The following RBM19 variants were observed in gnomAD, a reference collection of about 807,000 sequenced individuals.
RBM19 encodes the protein probable RNA-binding protein 19.
RBM19 carries 94 observed loss-of-function variants against 116.8 expected under a neutral mutation model. The ratio of observed to expected loss-of-function variants is 0.80; its 90% CI spans 0.68 to 0.95. The LOEUF (loss-of-function observed/expected upper bound fraction) is 0.95. Among genes scored for constraint, RBM19 ranks in the 40% least tolerant of loss-of-function variants. The pLI, the probability that RBM19 is intolerant of heterozygous loss-of-function variation, is 0.00. For missense variants in RBM19, 1,161 were observed against 1,220.7 expected (o/e 0.95, Z 0.73); for synonymous variants, 475 against 494.1 (o/e 0.96, Z 0.51).
chr12:113,935,891 C>G (rs1048448000), intron 16 of RBM19, among the ~76,000 whole-genome samples: 31 of 152,216 alleles, frequency 2.0e-4, no homozygotes, highest in East Asian at 1.6e-3. Flanking sequence ...AAAAAATTAG[C>G]CAGGCGTGGT....
chr12:113,914,293 G>C (rs1196196962), intron 21 of RBM19, among the ~76,000 whole-genome samples: 1 of 152,230 alleles, frequency 6.6e-6, no homozygotes, highest in Non-Finnish European at 1.5e-5. Context: ...TCCCCACCCA[G>C]CCTGCTGCCG....
At chr12:113,850,438 C>T (rs753896460) in intron 22 of RBM19, among the ~76,000 whole-genome samples, 2 of 152,224 alleles carry the variant, frequency 1.3e-5, no homozygotes, top group Non-Finnish European at 1.5e-5. Context: ...CATCAAGAGG[C>T]CTGGCCTCCT....
chr12:113,837,472 A>G (rs1258495916), intron 23 of RBM19, among the ~76,000 whole-genome samples: 1 of 152,226 alleles, frequency 6.6e-6, no homozygotes, highest in Non-Finnish European at 1.5e-5. Context: ...TGTTGACTGC[A>G]CGTGATGTGC....
At position 113,939,983 on chromosome 12, in the gene RBM19, A is replaced by C. The variant is rs1450107978; in HGVS notation, c.1915T>G (p.Phe639Val). Reference sequence around the variant, plus strand: ...ACCTTGGAATAGGCCAGATGCCTGAAGGCCTTGCGGGCCTCCAGGGGCTCC... The same window carrying C: ...ACCTTGGAATAGGCCAGATGCCTGACGGCCTTGCGGGCCTCCAGGGGCTCC... The part of the protein sequence containing the change: ...FLEPLEARKA[F>V]RHLAYSKFHH... The change falls in exon 15 of 24, where the codon TTC becomes GTC. Residue 639 changes from phenylalanine to valine, a missense_variant. By Grantham distance (50) the Phe-to-Val change is conservative. Transcript: ENST00000261741. The C allele has an allele frequency of 1.2e-6, 2 of 1,614,080 alleles. No homozygotes were observed. Among genetic ancestry groups the C allele is most frequent in the East Asian group, 2.2e-5 (1 of 44,860 alleles).
At chr12:113,941,699 C>A (rs922933242) in intron 14 of RBM19, among the ~76,000 whole-genome samples, 1 of 152,060 alleles carries the variant, frequency 6.6e-6, no homozygotes, top group Non-Finnish European at 1.5e-5. Flanking sequence ...CATACATCTT[C>A]ATTCATCCAT....
At chr12:113,954,640 C>T (rs190960808) in intron 7 of RBM19, among the ~76,000 whole-genome samples, 4 of 152,324 alleles carry the variant, frequency 2.6e-5, no homozygotes, top group Admixed American at 1.3e-4. Flanking sequence ...ACTACTTTCA[C>T]GAAGAACGAA....
At chr12:113,908,573 C>CAAAAAAAAAAAAAAAAAAAAAAAA (rs11338829) in intron 21 of RBM19, among the ~76,000 whole-genome samples, 1 of 33,222 alleles carries the variant, frequency 3.0e-5, no homozygotes, top group Non-Finnish European at 5.7e-5. Context: ...AAGAAAATAG[C>CAAAAAAAAAAAAAAAAAAAAAAAA]AAAAAAAAAA....
chr12:113,878,141 C>T (rs555625156), intron 21 of RBM19, among the ~76,000 whole-genome samples: 1 of 152,178 alleles, frequency 6.6e-6, no homozygotes, highest in African/African-American at 2.4e-5. Flanking sequence ...ACAGAAACAT[C>T]GACGACCCTT....
intron 9 of RBM19, among the ~76,000 whole-genome samples, chr12:113,949,668 T>A (rs1041656353): frequency 1.3e-5 from 2 of 152,158 alleles, no homozygotes; most frequent in Non-Finnish European, 2.9e-5. Context: ...TTGCACGTGC[T>A]GTTCCCTCTA....
At chr12:113,958,131 C>T in intron 5 of RBM19, 81 bp from the exon 6 acceptor site, 1 of 1,526,274 alleles carries the variant, frequency 6.6e-7, no homozygotes, top group Non-Finnish European at 8.8e-7. Context: ...GATGGTCCTC[C>T]TAGTGAGAGG....
intron 21 of RBM19, among the ~76,000 whole-genome samples, chr12:113,861,943 C>T (rs1353059219): frequency 2.6e-5 from 4 of 152,098 alleles, no homozygotes; most frequent in Non-Finnish European, 4.4e-5. Context: ...ACGCCACCCA[C>T]AAAGACTCTA....
chr12:113,864,071 A>T (rs1409170722), intron 21 of RBM19, among the ~76,000 whole-genome samples: 1 of 151,910 alleles, frequency 6.6e-6, no homozygotes, highest in African/African-American at 2.4e-5. Context: ...TGATTTCTCC[A>T]AGGTCTCGGT....
chr12:113,820,460 G>A (rs1008391095), downstream of RBM19, among the ~76,000 whole-genome samples: 5 of 152,096 alleles, frequency 3.3e-5, no homozygotes, highest in Non-Finnish European at 7.4e-5. Context: ...AGGAAGGCCG[G>A]GACAGCGAGT....
intron 15 of RBM19, 177 bp from the exon 16 acceptor site, chr12:113,937,313 C>T: frequency 1.5e-6 from 1 of 668,268 alleles, no homozygotes; most frequent in Admixed American, 3.3e-5. Context: ...CTGAGGACAA[C>T]ATTCGGCCCC....
intron 23 of RBM19, among the ~76,000 whole-genome samples, chr12:113,827,276 C>T (rs576026130): frequency 2.0e-5 from 3 of 152,322 alleles, no homozygotes; most frequent in East Asian, 1.9e-4. Flanking sequence ...CATCAATACC[C>T]GAGAAATTAA....
At position 113,920,657 on chromosome 12, in the gene RBM19, T is replaced by G; in HGVS notation, c.2339A>C (p.Glu780Ala). Residue 780 changes from glutamate (E) to alanine (A), a missense_variant, in exon 19 of 24, where the codon GAA (glutamate) becomes GCA (alanine). Glu to Ala is a moderately radical substitution (Grantham distance 107, BLOSUM62 -1). Transcript: ENST00000261741. ...CTGGGCTTGCTCCGGCTTCCTGTAT[T>G]CCACAAATCCAAACCCCATGGAAAG... ...VLLSMGFGFV[E>A]YRKPEQAQKA... The G allele has an allele frequency of 6.2e-7, 1 of 1,614,082 alleles. No individual in the cohort carries two copies. Among genetic ancestry groups the G allele is most frequent in the Non-Finnish European group, 8.5e-7 (1 of 1,179,988 alleles).
intron 21 of RBM19, among the ~76,000 whole-genome samples, chr12:113,868,552 C>G (rs1394691506): frequency 6.6e-6 from 1 of 152,188 alleles, no homozygotes; most frequent in African/African-American, 2.4e-5. Context: ...CAGACCTTGA[C>G]AGTGCCTTTA....
intron 23 of RBM19, among the ~76,000 whole-genome samples, chr12:113,830,589 G>GGGGGGGTT (rs1565960614): frequency 1.4e-5 from 1 of 73,082 alleles, no homozygotes; most frequent in African/African-American, 6.4e-5. Flanking sequence ...GGGGGGGGGG[G>GGGGGGGTT]TGGGCTATGC....
chr12:113,916,134 G>A (rs1347208316), intron 20 of RBM19, among the ~76,000 whole-genome samples: 1 of 152,154 alleles, frequency 6.6e-6, no homozygotes, highest in Admixed American at 6.5e-5. Context: ...AACTAGGCTG[G>A]GCATGGTGGC....
Sources: gnomAD v4.1 joint callset for allele counts (sites outside exome capture counted in the v4.1 genomes callset) on GRCh38, gnomAD v4.1.1 for gene constraint, MANE v1.5 for transcripts, NCBI Gene and HGNC (gene_info 2026-07-23, HGNC 2026-07-21) for gene names.